The following ABLIM3 variants were observed in gnomAD, a reference collection of about 807,000 sequenced individuals.
ABLIM3 encodes the protein actin binding LIM protein family member 3.
Under a neutral mutation model 109.5 loss-of-function variants are expected in ABLIM3, and 61 were observed. The observed-to-expected ratio is 0.56, with a 90% CI of 0.45 to 0.69. The LOEUF (loss-of-function observed/expected upper bound fraction) is 0.69. ABLIM3 is among the 30% of genes least tolerant of loss of function. The pLI is 0.00. For synonymous variants in ABLIM3, 300 were observed against 324.8 expected (o/e 0.92, Z 0.82); for missense variants, 796 against 889.5 (o/e 0.89, Z 1.34).
chr5:149,233,418 C>T lies in ABLIM3; in HGVS notation c.888+118C>T, dbSNP rs1303936284. On this transcript the variant is annotated intron_variant, in intron 10 of 23. Coordinates refer to ENST00000309868, the MANE Select transcript of ABLIM3 (RefSeq NM_014945.5). ...ATCCAGCTGACATTTGATGCATGCT[C>T]TTCATGTGCTAGGCTCTGTACCAGG... 1.8e-5 allele frequency: 19 copies of T among 1,033,434 alleles called. No homozygotes were observed. The Admixed American group carries it at 2.9e-4, about 16-fold the overall frequency. 64.0% of individuals were successfully genotyped at this position (1,033,434 alleles called of 1,614,324 possible).
Position 149,239,285 on chromosome 5 carries a change from A to G in ABLIM3, c.1074+8A>G. ...TTATCTCCCTACTCCCAGGTAATTC[A>G]GCTGATAGAGAATTAAGTTGATATA... On this transcript the variant is annotated splice_region_variant and intron_variant, in intron 12 of 23. Coordinates refer to ENST00000309868, the MANE Select transcript of ABLIM3 (RefSeq NM_014945.5). The G allele has an allele frequency of 6.2e-7, 1 of 1,613,436 alleles. No individual in the cohort carries two copies. The highest frequency in any genetic ancestry group is 8.5e-7 in the Non-Finnish European group (1 of 1,179,412).
chr5:149,208,416 TTC>T lies in ABLIM3; in HGVS notation c.575+1292_575+1293del, dbSNP rs1581133368. On this transcript the variant is annotated intron_variant, in intron 6 of 23. Coordinates refer to ENST00000309868, the MANE Select transcript of ABLIM3 (RefSeq NM_014945.5). The stretch of plus-strand genomic sequence containing the variant: ...TCTCTTTCTCTCTCTCTGTCTCTCT[TTC>T]TCTCTCTCTGTCTCTCTCTGTCTCT... 3.2e-5 allele frequency among the ~76,000 whole-genome samples: 3 copies of T among 93,194 alleles called. No individual in the cohort carries two copies. The East Asian group carries it at 1.4e-3, about 43-fold the overall frequency. 61.1% of individuals were successfully genotyped at this position (93,194 alleles called of 152,430 possible). A position where few individuals can be genotyped will look rare whatever the true frequency, so the allele number is the denominator to read the frequency against.
At chr5:149,236,298 A>T (rs1204387846) in intron 10 of ABLIM3, among the ~76,000 whole-genome samples, 2 of 152,180 alleles carry the variant, frequency 1.3e-5, no homozygotes, top group East Asian at 3.9e-4. Flanking sequence ...AGCACAGCTT[A>T]TAGGTATTTA....
chr5:149,159,000 A>G (rs536170822), intron 2 of ABLIM3, among the ~76,000 whole-genome samples: 3 of 152,348 alleles, frequency 2.0e-5, no homozygotes, highest in Middle Eastern at 3.4e-3. Flanking sequence ...ACACCTACCT[A>G]TGATCCAGCA....
intron 2 of ABLIM3, 88 bp downstream of exon 2, chr5:149,142,196 A>C (rs1752527262): frequency 9.5e-6 from 15 of 1,581,548 alleles, no homozygotes; most frequent in Admixed American, 1.7e-5. Context: ...TGGAAAGAGG[A>C]AGGAAGCCTG....
At chr5:149,241,773 A>G (rs991622411) in intron 14 of ABLIM3, among the ~76,000 whole-genome samples, 1 of 152,190 alleles carries the variant, frequency 6.6e-6, no homozygotes, top group Admixed American at 6.5e-5. Flanking sequence ...AGAAAAAAAG[A>G]TGAAGAGCCA....
At chr5:149,208,466 T>G (rs188200555) in intron 6 of ABLIM3, among the ~76,000 whole-genome samples, 40 of 151,996 alleles carry the variant, frequency 2.6e-4, no homozygotes, top group Middle Eastern at 3.4e-3. Context: ...CTCTGCTGTC[T>G]TCATGGTGGA....
At chr5:149,195,586 G>C (rs1004955491) in intron 3 of ABLIM3, among the ~76,000 whole-genome samples, 5 of 152,120 alleles carry the variant, frequency 3.3e-5, no homozygotes, top group Admixed American at 3.3e-4. Context: ...GGGAGAGGTG[G>C]CTCTGGGGGT....
intron 2 of ABLIM3, among the ~76,000 whole-genome samples, chr5:149,148,010 C>T (rs114762132): frequency 0.018 from 2,755 of 152,238 alleles, 35 homozygotes; most frequent in South Asian, 0.032. Flanking sequence ...CGCAACCTCT[C>T]AGACTTCAGT....
At chr5:149,177,931 T>G (rs951636893) in intron 2 of ABLIM3, among the ~76,000 whole-genome samples, 1 of 152,206 alleles carries the variant, frequency 6.6e-6, no homozygotes, top group African/African-American at 2.4e-5. Context: ...ATGAGGAAAC[T>G]GAGGCGGGGT....
Position 149,258,459 on chromosome 5 carries a change from C to CAA in ABLIM3, c.*55_*56insAA. The CAA allele has an allele frequency of 6.5e-7, 1 of 1,546,074 alleles. No individual in the cohort carries two copies. Among genetic ancestry groups the CAA allele is most frequent in the Non-Finnish European group, 8.7e-7 (1 of 1,152,398 alleles). On this transcript the variant is annotated 3_prime_UTR_variant, in exon 24 of 24. Transcript: ENST00000309868. ...ATATAAAGATATATGTAAAATCTCT[C>CAA]TACTGAAGCTCGGTATAATCCTCTC...
rs76822515 is a variant in ABLIM3 at position 149,231,001 on chromosome 5, G to A, written c.816+294G>A. ...CATTGCTGACCAAGATGGCAGCCTC[G>A]CTGAGAAGCTCTCGCCATGGTTTTT... is the stretch of plus-strand genomic sequence containing the variant. On this transcript the variant is annotated intron_variant, in intron 9 of 23. Transcript: ENST00000309868. 6.7e-3 allele frequency among the ~76,000 whole-genome samples: 1,018 copies of A among 152,288 alleles called. 12 individuals are homozygous for A. The highest frequency in any genetic ancestry group is 0.023 in the African/African-American group (975 of 41,562).
At position 149,249,824 on chromosome 5, in the gene ABLIM3, C is replaced by T. The variant is rs761389232; in HGVS notation, c.1709C>T (p.Ser570Leu). ...YEMSLNGSPRSHYLADSDPLI... is the reference protein window; with the variant it reads ...YEMSLNGSPRLHYLADSDPLI... ...CTTTTCTCTCCTGCAGCCCCTCGGTCGCACTACCTGGCTGACAGTGGTAAG... is the reference window on the plus strand; with the variant it reads ...CTTTTCTCTCCTGCAGCCCCTCGGTTGCACTACCTGGCTGACAGTGGTAAG... Residue 570 changes from serine to leucine, a missense_variant, in exon 19 of 24, where the codon TCG becomes TTG. Ser to Leu is a moderately radical substitution (Grantham distance 145). Coordinates refer to ENST00000309868, the MANE Select transcript of ABLIM3 (RefSeq NM_014945.5). The T allele has an allele frequency of 1.3e-5, 21 of 1,614,042 alleles. No homozygotes were observed. The highest frequency in any genetic ancestry group is 9.3e-5 in the African/African-American group (7 of 74,934).
At chr5:149,250,689 C>G (rs560598884) in intron 20 of ABLIM3, among the ~76,000 whole-genome samples, 184 bp downstream of exon 20, 30 of 152,320 alleles carry the variant, frequency 2.0e-4, no homozygotes, top group African/African-American at 7.0e-4. Flanking sequence ...AAGGGGCCCC[C>G]ATGGGAGGGG....
Position 149,259,746 on chromosome 5 carries a change from A to G in ABLIM3, c.*1342A>G. ...TTTGGTGGGGGCTGTTCCTTCTTGG[A>G]GAAGCCTTGAGTCGGACCATTTTGA... On this transcript the variant is annotated 3_prime_UTR_variant, in exon 24 of 24. Transcript: ENST00000309868. The G allele has an allele frequency of 1.4e-6, 1 of 720,998 alleles. No individual in the cohort carries two copies. The allele number at this position is 720,998 out of a possible 1,614,324, so 44.7% of individuals were successfully genotyped here. A position where few individuals can be genotyped will look rare whatever the true frequency, so the allele number is the denominator to read the frequency against.
rs757590344 is a variant in ABLIM3, at chr5:149,237,611, A to C, written c.1044+8A>C. ...AGATGTGGCTATGGAGAGGTATCGC[A>C]TCTTGCCCTTCTCTCTGGGGCTATT... On this transcript the variant is annotated splice_region_variant and intron_variant, in intron 11 of 23. Coordinates refer to ENST00000309868, the MANE Select transcript of ABLIM3 (RefSeq NM_014945.5). The C allele has an allele frequency of 1.2e-6, 2 of 1,613,858 alleles. 1 individual carries two copies. Among genetic ancestry groups the C allele is most frequent in the East Asian group, 4.5e-5 (2 of 44,874 alleles).
chr5:149,249,747 C>G lies in ABLIM3; in HGVS notation c.1700-68C>G. 3 of 1,591,870 alleles carry G rather than the reference C, an allele frequency of 1.9e-6. No individual in the cohort carries two copies. The South Asian group carries it at 3.3e-5, about 18-fold the overall frequency. On this transcript the variant is annotated intron_variant, in intron 18 of 23. Transcript: ENST00000309868. Reference sequence around the variant, plus strand: ...GTATGGAAGCCACATCTCTTTGTCCCCATGAATTGTCTTCACCATGTTTGT... The same window carrying G: ...GTATGGAAGCCACATCTCTTTGTCCGCATGAATTGTCTTCACCATGTTTGT...
chr5:149,157,850 C>T (rs926003978), intron 2 of ABLIM3, among the ~76,000 whole-genome samples: 9 of 152,120 alleles, frequency 5.9e-5, no homozygotes, highest in African/African-American at 2.2e-4. Context: ...CCCAGACTTC[C>T]CAGTTGCAAG....
At chr5:149,182,556 G>A (rs1723884367) in intron 2 of ABLIM3, among the ~76,000 whole-genome samples, 2 of 152,196 alleles carry the variant, frequency 1.3e-5, no homozygotes, top group South Asian at 4.1e-4. Context: ...TGAAATATCA[G>A]ATGACTAGAT....
Sources: allele counts gnomAD v4.1 joint callset (sites outside exome capture counted in the v4.1 genomes callset), GRCh38; gene constraint gnomAD v4.1.1; transcripts MANE v1.5; gene names NCBI Gene and HGNC (gene_info 2026-07-23, HGNC 2026-07-21).